Variants in IL15 observed in about 807,000 individuals in gnomAD.
IL15 encodes interleukin-15.
A neutral mutation model predicts 19.6 loss-of-function variants in IL15; 11 were observed. The observed-to-expected ratio is 0.56, with a 90% confidence interval of 0.35 to 0.93. The LOEUF (loss-of-function observed/expected upper bound fraction) is 0.93. Among genes scored for constraint, IL15 ranks in the 40% least tolerant of loss-of-function variants. IL15 has a pLI of 0.01. For synonymous variants in IL15, 58 were observed against 59.6 expected, an observed-to-expected ratio of 0.97 and a Z score of 0.12; for missense variants, 197 against 186.5, an observed-to-expected ratio of 1.06 and a Z score of -0.33.
intron 2 of IL15, among the ~76,000 whole-genome samples, chr4:141,708,811 C>T (rs1352128643): frequency 2.0e-5 from 3 of 151,958 alleles, no homozygotes; most frequent in African/African-American, 7.3e-5. Context: ...TGTTTTGATC[C>T]CTTTTAGTTG....
intron 1 of IL15, among the ~76,000 whole-genome samples, chr4:141,646,871 T>C (rs1027870860): frequency 6.6e-6 from 1 of 152,120 alleles, no homozygotes; most frequent in African/African-American, 2.4e-5. Context: ...GCAGTTTTGT[T>C]ATTTTATTCA....
At chr4:141,705,125 G>A (rs1434823869) in intron 2 of IL15, among the ~76,000 whole-genome samples, 2 of 151,632 alleles carry the variant, frequency 1.3e-5, no homozygotes, top group Admixed American at 6.6e-5. Context: ...CCAATTTTGG[G>A]TTTAGTTTGT....
At chr4:141,702,773 G>T (rs1258743957) in intron 2 of IL15, among the ~76,000 whole-genome samples, 3 of 152,292 alleles carry the variant, frequency 2.0e-5, no homozygotes, top group Non-Finnish European at 4.4e-5. Context: ...TTGCCCAGGG[G>T]AATTATTCTG....
intron 7 of IL15, among the ~76,000 whole-genome samples, chr4:141,730,540 G>A (rs560899899): frequency 3.3e-5 from 5 of 152,210 alleles, no homozygotes; most frequent in South Asian, 2.1e-4. Flanking sequence ...ACTCTTACCC[G>A]AGCAGTCTGT....
chr4:141,726,882 A>G (rs1560940175), intron 5 of IL15, among the ~76,000 whole-genome samples: 1 of 152,170 alleles, frequency 6.6e-6, no homozygotes. Flanking sequence ...ATAAAAAGAA[A>G]TAAGCTATCA....
At chr4:141,731,900 G>A (rs1457944377) in intron 7 of IL15, among the ~76,000 whole-genome samples, 2 of 152,116 alleles carry the variant, frequency 1.3e-5, no homozygotes, top group African/African-American at 4.8e-5. Context: ...GAACATTCTA[G>A]TTATCCATGA....
chr4:141,675,725 C>A (rs970430820), intron 2 of IL15, among the ~76,000 whole-genome samples: 1 of 151,782 alleles, frequency 6.6e-6, no homozygotes, highest in East Asian at 1.9e-4. Context: ...ACTTTGATTG[C>A]CCATCATTTC....
rs1730030850 is a variant in IL15, at chr4:141,720,347, G to T, written c.13-122G>T. The T allele has an allele frequency of 3.5e-5, 21 of 607,454 alleles. 1 individual carries two copies. In the South Asian group the frequency reaches 4.4e-4, roughly 13 times the overall value. 37.6% of individuals were successfully genotyped at this position (607,454 alleles called of 1,614,324 possible). The stretch of plus-strand genomic sequence containing the variant: ...ATAGTTTTATTATTTTTGATAAGGG[G>T]CATTAATTATGAAATTATGACAAAC... On this transcript the variant is annotated intron_variant, in intron 3 of 7. Coordinates refer to ENST00000320650, the MANE Select transcript of IL15 (RefSeq NM_000585.5).
At chr4:141,684,053 G>T (rs771780171) in intron 2 of IL15, among the ~76,000 whole-genome samples, 26 of 152,156 alleles carry the variant, frequency 1.7e-4, no homozygotes, top group Non-Finnish European at 3.1e-4. Flanking sequence ...CTACAATGCA[G>T]GTGAAAGACC....
chr4:141,692,196 G>A (rs910981162), intron 2 of IL15, among the ~76,000 whole-genome samples: 12 of 152,192 alleles, frequency 7.9e-5, no homozygotes, highest in African/African-American at 2.9e-4. Flanking sequence ...CTGGAACACA[G>A]GGTGCCATGT....
intron 2 of IL15, among the ~76,000 whole-genome samples, chr4:141,711,959 T>C (rs1729729455): frequency 6.6e-6 from 1 of 152,154 alleles, no homozygotes; most frequent in African/African-American, 2.4e-5. Flanking sequence ...AATAGCTTTC[T>C]ATTAGCATGT....
intron 1 of IL15, among the ~76,000 whole-genome samples, chr4:141,642,185 A>C (rs1362250396): frequency 1.3e-5 from 2 of 152,116 alleles, no homozygotes; most frequent in Non-Finnish European, 2.9e-5. Flanking sequence ...ACATGTTAAG[A>C]TTCTGGATAG....
At chr4:141,666,403 T>G (rs1727987964) in intron 2 of IL15, among the ~76,000 whole-genome samples, 1 of 152,180 alleles carries the variant, frequency 6.6e-6, no homozygotes, top group African/African-American at 2.4e-5. Flanking sequence ...TCAGCCAGCC[T>G]GGAGGGCGGT....
intron 2 of IL15, among the ~76,000 whole-genome samples, chr4:141,664,342 A>AACACACAC (rs35153516): frequency 0.045 from 5,849 of 130,894 alleles, 156 homozygotes; most frequent in African/African-American, 0.06. Context: ...TGGTGGGCAA[A>AACACACAC]ACACACACAC....
At chr4:141,689,638 G>T (rs1411453412) in intron 2 of IL15, among the ~76,000 whole-genome samples, 1 of 151,566 alleles carries the variant, frequency 6.6e-6, no homozygotes, top group Non-Finnish European at 1.5e-5. Context: ...GTGTCGATTG[G>T]TGCATTCACA....
At position 141,681,840 on chromosome 4, in the gene IL15, C is replaced by A. The variant is rs139972059; in HGVS notation, c.-100+25533C>A. Among the ~76,000 whole-genome samples, 312 of 152,234 alleles carry A rather than the reference C, an allele frequency of 2.0e-3. 1 individual carries two copies. Among genetic ancestry groups the A allele is most frequent in the African/African-American group, 6.9e-3 (288 of 41,540 alleles). On this transcript the variant is annotated intron_variant, in intron 2 of 7. Transcript: ENST00000320650. ...TGGCTTGACTAAGTGGTTGTTGGTG[C>A]AGAAAGCTTATTCTCTCCGTTGGTT...
chr4:141,670,367 A>T (rs747474320), intron 2 of IL15, among the ~76,000 whole-genome samples: 57 of 152,298 alleles, frequency 3.7e-4, no homozygotes, highest in Non-Finnish European at 6.5e-4. Flanking sequence ...AAAGGGGGTT[A>T]TAGCCTTTCA....
chr4:141,659,439 G>A (rs553506826), intron 2 of IL15, among the ~76,000 whole-genome samples: 11 of 152,236 alleles, frequency 7.2e-5, no homozygotes, highest in Admixed American at 5.9e-4. Flanking sequence ...CTGACCTTGT[G>A]ATTTGCCCAC....
intron 2 of IL15, among the ~76,000 whole-genome samples, chr4:141,662,589 TG>T (rs1271793105): frequency 7.2e-5 from 11 of 152,250 alleles, no homozygotes; most frequent in African/African-American, 2.7e-4. Flanking sequence ...GTAAACAGCA[TG>T]TAGCTGTGTT....
Sources: gnomAD v4.1 joint callset for allele counts (sites outside exome capture counted in the v4.1 genomes callset) on GRCh38, gnomAD v4.1.1 for gene constraint, MANE v1.5 for transcripts, NCBI Gene and HGNC (gene_info 2026-07-23, HGNC 2026-07-21) for gene names.